HSPA12A: variants seen among roughly 807,000 people sequenced by gnomAD.
HSPA12A encodes the protein heat shock protein family A (Hsp70) member 12A, also known as heat shock 70 kDa protein 12A.
HSPA12A carries 28 observed loss-of-function variants against 69.2 expected under a neutral mutation model. That is an observed-to-expected ratio of 0.40 (90% CI 0.30 to 0.55). The LOEUF is 0.55. Ranked by LOEUF, HSPA12A falls within the 20% of genes least tolerant of loss-of-function variation. The pLI is 0.38. For synonymous variants in HSPA12A, 345 were observed against 370.5 expected (o/e 0.93, Z 0.79); for missense variants, 686 against 900.7 (o/e 0.76, Z 3.05).
chr10:116,814,304 A>T (rs559384181), intron 2 of HSPA12A, among the ~76,000 whole-genome samples: 2 of 152,230 alleles, frequency 1.3e-5, no homozygotes, highest in African/African-American at 4.8e-5. Flanking sequence ...AAAGTCACAC[A>T]TGGAAGGTCT....
In HSPA12A at chr10:116,679,519, C is replaced by T. The variant is rs782431209; in HGVS notation, c.1270G>A (p.Ala424Thr). Residue 424 changes from alanine (A) to threonine (T), a missense_variant, in exon 10 of 12, where the codon GCC (alanine) becomes ACC (threonine). By Grantham distance (58) the Ala-to-Thr change is moderately conservative. Coordinates refer to ENST00000369209, the MANE Select transcript of HSPA12A (RefSeq NM_025015.3). ...CCAACTCACTTGCTTTTCCGCAAGG[C>T]GTGCTCCACACTGTGCCCGCGGAAC... ...KKFRGHSVEH[A>T]LRKSNVDFVK... 11 of 1,613,732 alleles carry T rather than the reference C, an allele frequency of 6.8e-6. No homozygotes were observed. The highest frequency in any genetic ancestry group is 9.3e-6 in the Non-Finnish European group (11 of 1,179,964).
intron 2 of HSPA12A, among the ~76,000 whole-genome samples, chr10:116,797,212 A>G (rs1238691161): frequency 6.6e-6 from 1 of 152,158 alleles, no homozygotes; most frequent in Admixed American, 6.5e-5. Context: ...ACTAATAGAT[A>G]TGGGACATAT....
chr10:116,815,689 C>T (rs1845290204), intron 2 of HSPA12A, among the ~76,000 whole-genome samples: 1 of 152,178 alleles, frequency 6.6e-6, no homozygotes, highest in Non-Finnish European at 1.5e-5. Context: ...TGGCAGGGCC[C>T]TGACTCTGTC....
intron 3 of HSPA12A, among the ~76,000 whole-genome samples, chr10:116,703,682 A>G (rs925781178): frequency 5.3e-5 from 8 of 152,256 alleles, no homozygotes; most frequent in Non-Finnish European, 1.2e-4. Context: ...AATTGGGATG[A>G]TAAATTCTGG....
At chr10:116,782,495 C>T (rs1017491465) in intron 2 of HSPA12A, among the ~76,000 whole-genome samples, 18 of 152,078 alleles carry the variant, frequency 1.2e-4, no homozygotes, top group African/African-American at 4.1e-4. Flanking sequence ...GGCATAGTCC[C>T]GGGTGGAACA....
At chr10:116,822,908 C>T (rs374848039) in intron 2 of HSPA12A, among the ~76,000 whole-genome samples, 27 of 152,230 alleles carry the variant, frequency 1.8e-4, no homozygotes, top group African/African-American at 6.0e-4. Flanking sequence ...CCAAGAGCTA[C>T]TTGCCCAGGT....
At chr10:116,762,409 T>A (rs1843991970) in intron 2 of HSPA12A, among the ~76,000 whole-genome samples, 1 of 152,278 alleles carries the variant, frequency 6.6e-6, no homozygotes, top group Middle Eastern at 3.4e-3. Context: ...CTATTTTAAA[T>A]CTTGACTTCC....
chr10:116,763,638 T>A (rs1844018254), intron 2 of HSPA12A, among the ~76,000 whole-genome samples: 1 of 152,192 alleles, frequency 6.6e-6, no homozygotes, highest in South Asian at 2.1e-4. Flanking sequence ...AAGACATAGC[T>A]GGCTCCAGTC....
At chr10:116,822,502 A>G (rs370090179) in intron 2 of HSPA12A, among the ~76,000 whole-genome samples, 1 of 152,288 alleles carries the variant, frequency 6.6e-6, no homozygotes, top group African/African-American at 2.4e-5. Flanking sequence ...GGATTAAGAG[A>G]CCGGTAGAAA....
chr10:116,715,557 G>C (rs554365439), intron 1 of HSPA12A, among the ~76,000 whole-genome samples: 4 of 152,320 alleles, frequency 2.6e-5, no homozygotes, highest in African/African-American at 9.6e-5. Context: ...GGAAGGGGCA[G>C]GGATTAAACA....
At chr10:116,688,640 G>A (rs1246988503) in intron 6 of HSPA12A, among the ~76,000 whole-genome samples, 1 of 152,240 alleles carries the variant, frequency 6.6e-6, no homozygotes, top group African/African-American at 2.4e-5. Flanking sequence ...GGCTACAGCT[G>A]CACCAGTTCG....
intron 2 of HSPA12A, among the ~76,000 whole-genome samples, chr10:116,825,675 T>C (rs112539299): frequency 2.0e-5 from 3 of 152,244 alleles, no homozygotes; most frequent in African/African-American, 7.2e-5. Context: ...CAAAAGCAAC[T>C]AATGGTTTCC....
At chr10:116,814,706 G>T (rs1845263676) in intron 2 of HSPA12A, among the ~76,000 whole-genome samples, 1 of 152,152 alleles carries the variant, frequency 6.6e-6, no homozygotes, top group Admixed American at 6.6e-5. Context: ...GGACATTTCT[G>T]GGACCTGCTG....
intron 10 of HSPA12A, among the ~76,000 whole-genome samples, chr10:116,676,905 C>T (rs1465688295): frequency 6.6e-6 from 1 of 152,214 alleles, no homozygotes; most frequent in Non-Finnish European, 1.5e-5. Context: ...CATGTGTGCG[C>T]TCAGGTGCAT....
At chr10:116,695,825 A>C (rs1335824122) in intron 5 of HSPA12A, among the ~76,000 whole-genome samples, 2 of 108,128 alleles carry the variant, frequency 1.8e-5, no homozygotes, top group Non-Finnish European at 3.9e-5. Flanking sequence ...GTCTCAAAAC[A>C]AAAACAAAGA....
chr10:116,750,905 C>T (rs952144976), intron 2 of HSPA12A, among the ~76,000 whole-genome samples: 7 of 151,614 alleles, frequency 4.6e-5, no homozygotes, highest in African/African-American at 7.3e-5. Context: ...CCTCGGAGGT[C>T]GAGGTTGCAG....
At chr10:116,785,586 G>A (rs1183655903) in intron 2 of HSPA12A, among the ~76,000 whole-genome samples, 1 of 152,024 alleles carries the variant, frequency 6.6e-6, no homozygotes, top group Non-Finnish European at 1.5e-5. Flanking sequence ...CACTCATAAA[G>A]CCCAGCTCAC....
At chr10:116,731,754 G>A (rs986745084) in intron 1 of HSPA12A, among the ~76,000 whole-genome samples, 10 of 151,950 alleles carry the variant, frequency 6.6e-5, no homozygotes, top group African/African-American at 1.5e-4. Flanking sequence ...ACCAGATATC[G>A]TGCCCCCTAA....
chr10:116,849,528 C>A (rs1050103288), intron 1 of HSPA12A: 19 of 1,471,780 alleles, frequency 1.3e-5, no homozygotes, highest in East Asian at 2.5e-5. Flanking sequence ...GCTCGTGGGA[C>A]CCCAGGCTAA....
Sources: allele counts gnomAD v4.1 joint callset (sites outside exome capture counted in the v4.1 genomes callset), GRCh38; gene constraint gnomAD v4.1.1; transcripts MANE v1.5; gene names NCBI Gene and HGNC (gene_info 2026-07-23, HGNC 2026-07-21).